The following SIGLEC1 variants were observed in gnomAD, a reference collection of about 807,000 sequenced individuals.
SIGLEC1 encodes the protein sialoadhesin.
In SIGLEC1, 132 loss-of-function variants were observed where a neutral mutation model predicts 148.0. The ratio of observed to expected loss-of-function variants is 0.89; its 90% CI spans 0.77 to 1.03. The LOEUF is 1.03. Among genes scored for constraint, SIGLEC1 ranks in the 50% least tolerant of loss-of-function variants. The pLI, the probability that SIGLEC1 is intolerant of heterozygous loss-of-function variation, is 0.00. For synonymous variants in SIGLEC1, 945 were observed against 969.0 expected, an observed-to-expected ratio of 0.98 and a Z score of 0.46; for missense variants, 2,253 against 2,271.4, an observed-to-expected ratio of 0.99 and a Z score of 0.16.
chr20:3,703,453 T>G lies in SIGLEC1; in HGVS notation c.974-2A>C, dbSNP rs1172136697. The G allele has an allele frequency of 1.3e-6, 2 of 1,566,806 alleles. No homozygotes were observed. The highest frequency in any genetic ancestry group is 8.7e-7 in the Non-Finnish European group (1 of 1,153,816). ...CTGGGCTCACCTGGACCTCAGCCACTGCAAGGGCAGCATAGGGAGTGCTGG... is the reference window on the plus strand; with the variant it reads ...CTGGGCTCACCTGGACCTCAGCCACGGCAAGGGCAGCATAGGGAGTGCTGG... On this transcript the variant is annotated splice_acceptor_variant, in intron 5 of 21. Coordinates refer to ENST00000344754, the MANE Select transcript of SIGLEC1 (RefSeq NM_023068.4). LOFTEE classifies it high-confidence loss of function.
rs777188219 is a variant in SIGLEC1, at chr20:3,693,573, G to A, written c.3382C>T (p.Arg1128Cys). 2.9e-5 allele frequency: 47 copies of A among 1,612,584 alleles called. No homozygotes were observed. The highest frequency in any genetic ancestry group is 1.1e-4 in the East Asian group (5 of 44,876). Reference protein sequence around the residue: ...TYTWYQDGQQRLDAHSIPLPN... With the variant: ...TYTWYQDGQQCLDAHSIPLPN... Reference sequence around the variant, plus strand: ...AGGGGGATGGAGTGGGCATCCAGGCGCTGCTGCCCATCCTGGTACCATGTG... The same window carrying A: ...AGGGGGATGGAGTGGGCATCCAGGCACTGCTGCCCATCCTGGTACCATGTG... The change falls in exon 14 of 22, where the codon CGC (arginine) becomes TGC (cysteine). Residue 1128 changes from arginine to cysteine, a missense_variant. Physicochemically the swap from Arg to Cys is radical, Grantham distance 180. Coordinates refer to ENST00000344754, the MANE Select transcript of SIGLEC1 (RefSeq NM_023068.4).
At chr20:3,697,540 A>G (rs2087813220) in intron 9 of SIGLEC1, among the ~76,000 whole-genome samples, 198 bp from the exon 10 acceptor site, 1 of 152,148 alleles carries the variant, frequency 6.6e-6, no homozygotes, top group Non-Finnish European at 1.5e-5. Context: ...AGAGGGTTGC[A>G]GTACAGGGAA....
rs139666944 is a variant in SIGLEC1 at position 3,699,457 on chromosome 20, C to T, written c.1531G>A (p.Ala511Thr). 1.8e-4 allele frequency: 283 copies of T among 1,607,496 alleles called. 1 individual carries two copies. The East Asian group carries it at 4.0e-3, about 23-fold the overall frequency. ...GCTGCCGGGCTGATGAGGAGACGGGCGGCTGCGGGGAGAGGAAGAGGCTGG... is the reference window on the plus strand; with the variant it reads ...GCTGCCGGGCTGATGAGGAGACGGGTGGCTGCGGGGAGAGGAAGAGGCTGG... Reference protein sequence around the residue: ...TSTLDFHANAARLLISPAAEV... With the variant: ...TSTLDFHANATRLLISPAAEV... The change falls in exon 8 of 22, where the codon GCC becomes ACC. Residue 511 changes from alanine to threonine, a missense_variant and splice_region_variant. Physicochemically the swap from Ala to Thr is moderately conservative, Grantham distance 58. Transcript: ENST00000344754.
intron 9 of SIGLEC1, 93 bp downstream of exon 9, chr20:3,697,705 A>G (rs2087814579): frequency 8.5e-7 from 1 of 1,170,502 alleles, no homozygotes; most frequent in Admixed American, 2.3e-5. Flanking sequence ...ACTGCTGCAC[A>G]GAGTGGTTTT....
At chr20:3,707,491 C>T (rs913070483) in intron 1 of SIGLEC1, among the ~76,000 whole-genome samples, 1 of 152,142 alleles carries the variant, frequency 6.6e-6, no homozygotes, top group Admixed American at 6.5e-5. Context: ...CTGTTTCTCC[C>T]TCTTCCCCAC....
At position 3,699,388 on chromosome 20, in the gene SIGLEC1, C is replaced by T. The variant is rs776425651; in HGVS notation, c.1600G>A (p.Gly534Ser). 3.1e-6 allele frequency: 5 copies of T among 1,608,524 alleles called. No individual in the cohort carries two copies. In the East Asian group the frequency reaches 9.0e-5, roughly 29 times the overall value. ...CGGGCATCAGGTGTGGGGCTTAGGC[C>T]GCTTCTGCAGCTCAGTGTCACTGCC... is the stretch of plus-strand genomic sequence containing the variant. The part of the protein sequence containing the change: ...GQAVTLSCRS[G>S]LSPTPDARFS... The change falls in exon 8 of 22, where the codon GGC (glycine) becomes AGC (serine). Residue 534 changes from glycine to serine, a missense_variant. Physicochemically the swap from Gly to Ser is moderately conservative, Grantham distance 56. Transcript: ENST00000344754.
chr20:3,696,778 G>A lies in SIGLEC1; in HGVS notation c.2491C>T (p.His831Tyr). Residue 831 changes from histidine (H) to tyrosine (Y), a missense_variant, in exon 11 of 22, where the codon CAT becomes TAT. By Grantham distance (83) the His-to-Tyr change is moderately conservative. Transcript: ENST00000344754. ...CTGGTGGCCAGGAGGTGCTCCCCAT[G>A]GAACAAGGCCAGCAAGGCCAGGGGG... ...SRPLALLALF[H>Y]GEHLLATSLG... is the part of the protein sequence containing the mutation. The A allele has an allele frequency of 1.2e-6, 2 of 1,613,114 alleles. No homozygotes were observed. The highest frequency in any genetic ancestry group is 1.7e-6 in the Non-Finnish European group (2 of 1,179,862).
chr20:3,698,204 C>A, intron 8 of SIGLEC1, 71 bp from the exon 9 acceptor site: 3 of 1,323,970 alleles, frequency 2.3e-6, no homozygotes, highest in Non-Finnish European at 3.1e-6. Context: ...GCTAGGCTCC[C>A]AGAATACACT....
chr20:3,701,418 A>G lies in SIGLEC1; in HGVS notation c.1452T>C (p.Thr484=). ...CTGAGCACTTGTACTCCCCACTGTCAGTTTCCTCCAGGTCTCGGATCTCCA... is the reference window on the plus strand; with the variant it reads ...CTGAGCACTTGTACTCCCCACTGTCGGTTTCCTCCAGGTCTCGGATCTCCA... ...LRLEIRDLEE[T]DSGEYKCSAT... is the part of the protein sequence containing the mutation. The change falls in exon 7 of 22, where the codon ACT becomes ACC. Residue 484 remains threonine (T), a synonymous_variant. Coordinates refer to ENST00000344754, the MANE Select transcript of SIGLEC1 (RefSeq NM_023068.4). 6.2e-7 allele frequency: 1 copy of G among 1,614,124 alleles called. No individual in the cohort carries two copies. Among genetic ancestry groups the G allele is most frequent in the South Asian group, 1.1e-5 (1 of 91,076 alleles).
rs914175804 is a variant in SIGLEC1, at chr20:3,701,603, T to G, written c.1267A>C (p.Thr423Pro). 6.3e-7 allele frequency: 1 copy of G among 1,587,624 alleles called. No individual in the cohort carries two copies. Among genetic ancestry groups the G allele is most frequent in the Non-Finnish European group, 8.6e-7 (1 of 1,162,076 alleles). Residue 423 changes from threonine to proline, a missense_variant, in exon 7 of 22, where the codon ACC (threonine) becomes CCC (proline). Thr to Pro is a conservative substitution (Grantham distance 38, BLOSUM62 -1). Coordinates refer to ENST00000344754, the MANE Select transcript of SIGLEC1 (RefSeq NM_023068.4). Reference sequence around the variant, plus strand: ...AGGATGCCCACAAGTCCCGCCTGGGTCTCCAGGAAGGCTGTCAGGACTGGA... The same window carrying G: ...AGGATGCCCACAAGTCCCGCCTGGGGCTCCAGGAAGGCTGTCAGGACTGGA... ...LTPVLTAFLE[T>P]QAGLVGILHC...
Position 3,692,766 on chromosome 20 carries a change from C to T in SIGLEC1, c.3785G>A (p.Arg1262Gln), listed in dbSNP as rs780532572. 60 of 1,609,482 alleles carry T rather than the reference C, an allele frequency of 3.7e-5. No individual in the cohort carries two copies. Among genetic ancestry groups the T allele is most frequent in the South Asian group, 3.6e-4 (33 of 90,994 alleles). ...TSLELRLEGV[R>Q]VILAPEAAVP... ...GGCAGCCTCCGGAGCCAGGATCACC[C>T]GCACACCTGTGCCAAGGAGGCCAGG... The change falls in exon 16 of 22, where the codon CGG becomes CAG. Residue 1262 changes from arginine to glutamine, a missense_variant. Coordinates refer to ENST00000344754, the MANE Select transcript of SIGLEC1 (RefSeq NM_023068.4).
chr20:3,711,285 G>T (rs187273403), intron 1 of SIGLEC1, among the ~76,000 whole-genome samples: 5 of 152,310 alleles, frequency 3.3e-5, no homozygotes, highest in Non-Finnish European at 5.9e-5. Context: ...TCCTACTATT[G>T]GTATGTGTTG....
At chr20:3,690,824 C>CTT (rs200631809) in intron 18 of SIGLEC1, among the ~76,000 whole-genome samples, 123 of 126,832 alleles carry the variant, frequency 9.7e-4, no homozygotes, top group East Asian at 1.6e-3. Flanking sequence ...CTCTTCTTTT[C>CTT]TTTTCTTTTT....
At position 3,710,475 on chromosome 20, in the gene SIGLEC1, T is replaced by G. The variant is rs1177978222; in HGVS notation, c.-110+1995A>C. ...CCAGTTCTCTAGGAAGCCCTAGGCC[T>G]CCTCCTCTTCTGGGAAGATGCACCC... On this transcript the variant is annotated intron_variant, in intron 1 of 21. Coordinates refer to ENST00000344754, the MANE Select transcript of SIGLEC1 (RefSeq NM_023068.4). This position sits in a 1 kb window ranked among gnomAD's most constrained non-coding sequence, Gnocchi z 4.6. 2.0e-5 allele frequency among the ~76,000 whole-genome samples: 3 copies of G among 152,160 alleles called. No homozygotes were observed. Among genetic ancestry groups the G allele is most frequent in the Admixed American group, 2.0e-4 (3 of 15,286 alleles).
At chr20:3,688,827 G>A in intron 21 of SIGLEC1, 5 of 598,370 alleles carry the variant, frequency 8.4e-6, no homozygotes, top group Non-Finnish European at 1.2e-5. Flanking sequence ...CTGCCCAGGT[G>A]ACGGGCAGGC....
chr20:3,695,053 C>T, intron 11 of SIGLEC1, 130 bp from the exon 12 acceptor site: 3 of 908,580 alleles, frequency 3.3e-6, no homozygotes, highest in Non-Finnish European at 4.9e-6. Flanking sequence ...TTCCAGACCA[C>T]CGCCAGGGCC....
chr20:3,696,168 G>A (rs373734782), intron 11 of SIGLEC1, among the ~76,000 whole-genome samples: 31 of 125,168 alleles, frequency 2.5e-4, no homozygotes, highest in Admixed American at 6.7e-4. Context: ...ACACACACAC[G>A]TATGTGTATA....
chr20:3,699,077 A>T, intron 8 of SIGLEC1, 125 bp downstream of exon 8: 1 of 1,121,592 alleles, frequency 8.9e-7, no homozygotes, highest in Non-Finnish European at 1.3e-6. Context: ...CACTGTGGCC[A>T]GGTCTGTGAC....
intron 1 of SIGLEC1, among the ~76,000 whole-genome samples, chr20:3,709,323 T>C (rs771809071): frequency 2.0e-5 from 3 of 152,148 alleles, no homozygotes; most frequent in Non-Finnish European, 4.4e-5. Context: ...ATGCTCAACA[T>C]CACTAGGCAT....
Sources: gnomAD v4.1 joint callset for allele counts (sites outside exome capture counted in the v4.1 genomes callset) on GRCh38, gnomAD v4.1.1 for gene constraint, Gnocchi (gnomAD v3.1) non-coding constraint, MANE v1.5 for transcripts, NCBI Gene and HGNC (gene_info 2026-07-23, HGNC 2026-07-21) for gene names.